The following CSGALNACT1 variants were observed in gnomAD, a reference collection of about 807,000 sequenced individuals.
CSGALNACT1 encodes chondroitin sulfate N-acetylgalactosaminyltransferase 1, also known as beta4GalNAcT-1.
Under a neutral mutation model 51.0 loss-of-function variants are expected in CSGALNACT1, and 52 were observed. That is an observed-to-expected ratio of 1.02 (90% CI 0.82 to 1.29). The LOEUF (loss-of-function observed/expected upper bound fraction) is 1.29, where lower values mean the gene tolerates loss of function less well. Ranked by LOEUF, CSGALNACT1 falls within the 50% of genes most tolerant of loss-of-function variation. CSGALNACT1 has a pLI of 0.00. For missense variants in CSGALNACT1, 935 were observed against 679.2 expected, an observed-to-expected ratio of 1.38 and a Z score of -4.19; for synonymous variants, 341 against 254.4, an observed-to-expected ratio of 1.34 and a Z score of -3.24.
At chr8:19,673,200 T>C (rs2059923403) in intron 1 of CSGALNACT1, among the ~76,000 whole-genome samples, 2 of 152,228 alleles carry the variant, frequency 1.3e-5, no homozygotes, top group South Asian at 4.1e-4. Context: ...TGGACTCCGA[T>C]GCAAGGAACA....
chr8:19,618,090 G>A (rs777205011), intron 1 of CSGALNACT1, among the ~76,000 whole-genome samples: 24 of 151,732 alleles, frequency 1.6e-4, no homozygotes, highest in Non-Finnish European at 3.2e-4. Context: ...CATCGCCCAG[G>A]CTGGTCTCAA....
At chr8:19,578,653 C>T (rs1165504704) in intron 3 of CSGALNACT1, among the ~76,000 whole-genome samples, 3 of 151,930 alleles carry the variant, frequency 2.0e-5, no homozygotes, top group African/African-American at 4.8e-5. Context: ...ACTGCGCTAC[C>T]CACCTCCCTC....
chr8:19,662,856 C>G (rs12545092), intron 1 of CSGALNACT1, among the ~76,000 whole-genome samples: 23,138 of 152,152 alleles, frequency 0.15, 2,312 homozygotes, highest in East Asian at 0.51. Context: ...TCCCCCCATT[C>G]AGGAGGTCAT....
chr8:19,576,838 C>G (rs1266863547), intron 3 of CSGALNACT1, among the ~76,000 whole-genome samples: 1 of 152,102 alleles, frequency 6.6e-6, no homozygotes, highest in African/African-American at 2.4e-5. Flanking sequence ...TTTGAGGAGG[C>G]TGACTTGTTT....
chr8:19,457,073 C>A (rs1027978640), intron 5 of CSGALNACT1, among the ~76,000 whole-genome samples: 19 of 152,188 alleles, frequency 1.2e-4, no homozygotes, highest in Admixed American at 1.2e-3. Context: ...ATGTAGGCAG[C>A]TTCCTGGTGC....
chr8:19,535,027 A>T (rs1563940414), intron 3 of CSGALNACT1, among the ~76,000 whole-genome samples: 1 of 152,220 alleles, frequency 6.6e-6, no homozygotes, highest in African/African-American at 2.4e-5. Flanking sequence ...AAAAAGACAG[A>T]GTTAGCAGTG....
chr8:19,408,521 A>G, intron 9 of CSGALNACT1, 92 bp downstream of exon 8: 1 of 755,332 alleles, frequency 1.3e-6, no homozygotes, highest in East Asian at 3.8e-5. Flanking sequence ...CCACCTTCCC[A>G]ACCAGACTCC....
intron 5 of CSGALNACT1, among the ~76,000 whole-genome samples, chr8:19,446,137 T>C (rs2062070447): frequency 1.3e-5 from 2 of 152,188 alleles, no homozygotes; most frequent in Non-Finnish European, 2.9e-5. Flanking sequence ...ATGGTGCCAG[T>C]GCACTCCAGC....
intron 1 of CSGALNACT1, among the ~76,000 whole-genome samples, chr8:19,732,293 G>C (rs1289174744): frequency 6.6e-6 from 1 of 152,162 alleles, no homozygotes; most frequent in African/African-American, 2.4e-5. Flanking sequence ...AGAAGTTAAA[G>C]AGCTTCTTAA....
intron 1 of CSGALNACT1, among the ~76,000 whole-genome samples, chr8:19,667,037 A>AG (rs2059407845): frequency 2.3e-5 from 1 of 43,840 alleles, no homozygotes; most frequent in African/African-American, 1.4e-4. Context: ...GGAAGGAAGG[A>AG]AGGAAGAAAG....
At chr8:19,699,048 T>C (rs2061726417) in intron 1 of CSGALNACT1, among the ~76,000 whole-genome samples, 1 of 152,240 alleles carries the variant, frequency 6.6e-6, no homozygotes, top group Non-Finnish European at 1.5e-5. Flanking sequence ...TTTTTTTCTT[T>C]TTTTTGCTTT....
intron 9 of CSGALNACT1, among the ~76,000 whole-genome samples, chr8:19,406,968 C>T (rs1227234878): frequency 6.6e-6 from 1 of 152,232 alleles, no homozygotes; most frequent in Non-Finnish European, 1.5e-5. Context: ...CTTGGCCTCC[C>T]AGAGTGCTGG....
At chr8:19,463,790 C>A (rs561551492) in intron 4 of CSGALNACT1, among the ~76,000 whole-genome samples, 2 of 152,316 alleles carry the variant, frequency 1.3e-5, no homozygotes, top group Admixed American at 1.3e-4. Flanking sequence ...GGTGTAATTA[C>A]TCCTTGTGCA....
exon 10 of CSGALNACT1, chr8:19,405,763 A>G: frequency 6.2e-7 from 1 of 1,614,044 alleles, no homozygotes; most frequent in Non-Finnish European, 8.5e-7. Context: ...TGTCTCCCAC[A>G]ATCCTTCTCT....
At chr8:19,556,580 G>A (rs1050864323) in intron 3 of CSGALNACT1, among the ~76,000 whole-genome samples, 4 of 152,134 alleles carry the variant, frequency 2.6e-5, no homozygotes, top group Non-Finnish European at 5.9e-5. Context: ...ATAGTGTTGT[G>A]CTCTAGTCAA....
chr8:19,438,864 A>T (rs1423559144), intron 6 of CSGALNACT1, among the ~76,000 whole-genome samples: 1 of 152,242 alleles, frequency 6.6e-6, no homozygotes, highest in South Asian at 2.1e-4. Context: ...GTAACAAAGC[A>T]TAAAAATAAA....
chr8:19,624,834 A>G (rs1420789969), intron 1 of CSGALNACT1, among the ~76,000 whole-genome samples: 1 of 151,946 alleles, frequency 6.6e-6, no homozygotes, highest in Non-Finnish European at 1.5e-5. Flanking sequence ...ATACACCACC[A>G]CGCCCAGCTA....
At chr8:19,756,869 A>C (rs965372954) in intron 1 of CSGALNACT1, among the ~76,000 whole-genome samples, 6 of 152,082 alleles carry the variant, frequency 3.9e-5, no homozygotes, top group Non-Finnish European at 8.8e-5. Flanking sequence ...TGGTGAAGCC[A>C]AACCGACCCC....
At chr8:19,472,831 G>T (rs1292388536) in intron 4 of CSGALNACT1, among the ~76,000 whole-genome samples, 1 of 152,086 alleles carries the variant, frequency 6.6e-6, no homozygotes, top group Non-Finnish European at 1.5e-5. Flanking sequence ...CTCATTCATT[G>T]ATATCAATTT....
Sources: gnomAD v4.1 joint callset for allele counts (sites outside exome capture counted in the v4.1 genomes callset) on GRCh38, gnomAD v4.1.1 for gene constraint, MANE v1.5 for transcripts, NCBI Gene and HGNC (gene_info 2026-07-23, HGNC 2026-07-21) for gene names.